The following VAV2 variants were observed in gnomAD, a reference collection of about 807,000 sequenced individuals.
VAV2 encodes vav guanine nucleotide exchange factor 2.
Under a neutral mutation model 132.5 loss-of-function variants are expected in VAV2, and 67 were observed. The ratio of observed to expected loss-of-function variants is 0.51; its 90% confidence interval spans 0.42 to 0.62. VAV2 has a LOEUF of 0.62. Among genes scored for constraint, VAV2 ranks in the 20% least tolerant of loss-of-function variants. The pLI is 0.00. For synonymous variants in VAV2, 492 were observed against 443.5 expected (o/e 1.11, Z -1.37); for missense variants, 938 against 1,153.6 (o/e 0.81, Z 2.71).
At chr9:133,894,243 G>A (rs144286686) in intron 2 of VAV2, among the ~76,000 whole-genome samples, 385 of 152,360 alleles carry the variant, frequency 2.5e-3, no homozygotes, top group African/African-American at 8.9e-3. Context: ...CCCAAGGATG[G>A]GGGAGCCGGG....
intron 26 of VAV2, 59 bp downstream of exon 26, chr9:133,771,900 A>G: frequency 1.3e-6 from 2 of 1,483,858 alleles, no homozygotes; most frequent in East Asian, 4.5e-5. Flanking sequence ...CAGGGCCGGG[A>G]GGAAGCACCT....
chr9:133,777,601 G>A, intron 22 of VAV2, 138 bp from the exon 23 acceptor site: 1 of 821,118 alleles, frequency 1.2e-6, no homozygotes, highest in Non-Finnish European at 1.9e-6. Context: ...CCCAACCTCA[G>A]CTGACCCGGC....
chr9:133,908,044 CT>C (rs1187609108), intron 2 of VAV2, among the ~76,000 whole-genome samples: 9 of 135,280 alleles, frequency 6.7e-5, no homozygotes, highest in Admixed American at 6.4e-4. Context: ...GAAGGCGCCC[CT>C]CCCACCCCAC....
At chr9:133,798,530 C>T (rs1303140363) in intron 9 of VAV2, among the ~76,000 whole-genome samples, 1 of 152,218 alleles carries the variant, frequency 6.6e-6, no homozygotes, top group Non-Finnish European at 1.5e-5. Flanking sequence ...TCTCCCTGCA[C>T]TGGGCCCACA....
chr9:133,907,813 C>T (rs1839717597), intron 2 of VAV2, among the ~76,000 whole-genome samples: 1 of 152,234 alleles, frequency 6.6e-6, no homozygotes, highest in African/African-American at 2.4e-5. Context: ...ACTGCAGTGG[C>T]ACAGACGGCA....
chr9:133,958,012 C>G (rs561403576), intron 1 of VAV2, among the ~76,000 whole-genome samples: 4 of 140,974 alleles, frequency 2.8e-5, no homozygotes, highest in Non-Finnish European at 6.4e-5. Flanking sequence ...GCAGCATGCT[C>G]GTTAAGAGTC....
intron 1 of VAV2, among the ~76,000 whole-genome samples, chr9:133,956,469 T>C (rs951846894): frequency 2.0e-5 from 3 of 152,194 alleles, no homozygotes; most frequent in African/African-American, 7.2e-5. Context: ...CTTTGTTTTG[T>C]TTCGTTTTGT....
At position 133,919,383 on chromosome 9, in the gene VAV2, T is replaced by C. The variant is rs1178826781; in HGVS notation, c.321+19720A>G. ...CCCACCGGGCTTTGAAACCAGATCC[T>C]GGGAGCTGCAGACCATAATCTCTGC... On this transcript the variant is annotated intron_variant, in intron 2 of 29. Coordinates refer to ENST00000371850, the MANE Select transcript of VAV2 (RefSeq NM_001134398.2). This position sits in a 1 kb window ranked among gnomAD's most constrained non-coding sequence, Gnocchi z 5.8. Among the ~76,000 whole-genome samples, 2 of 152,172 alleles carry C rather than the reference T, an allele frequency of 1.3e-5. No homozygotes were observed. Among genetic ancestry groups the C allele is most frequent in the African/African-American group, 4.8e-5 (2 of 41,444 alleles).
intron 2 of VAV2, among the ~76,000 whole-genome samples, chr9:133,923,893 A>C (rs1361064456): frequency 6.6e-6 from 1 of 152,182 alleles, no homozygotes; most frequent in Non-Finnish European, 1.5e-5. Flanking sequence ...TCACAAAGAC[A>C]GAAAACCAAA....
rs570364931 is a variant in VAV2, at chr9:133,804,307, G to A, written c.836+1774C>T. On this transcript the variant is annotated intron_variant, in intron 9 of 29. Transcript: ENST00000371850. The surrounding 1 kb of genome is among the most constrained non-coding windows in gnomAD (Gnocchi z 4.5). The stretch of plus-strand genomic sequence containing the variant: ...CTTCCCCAAACAGACCCCGACTGAC[G>A]GATCTCGCCACACGCCTCGCTGCCA... Among the ~76,000 whole-genome samples, 31 of 152,354 alleles carry A rather than the reference G, an allele frequency of 2.0e-4. No individual in the cohort carries two copies. The highest frequency in any genetic ancestry group is 7.0e-4 in the African/African-American group (29 of 41,582).
At chr9:133,872,359 T>C (rs1289498746) in intron 2 of VAV2, among the ~76,000 whole-genome samples, 1 of 152,218 alleles carries the variant, frequency 6.6e-6, no homozygotes, top group Non-Finnish European at 1.5e-5. Context: ...ACTGCGAGTC[T>C]AACTTCCCCC....
chr9:133,843,914 C>T (rs1030107001), intron 3 of VAV2, among the ~76,000 whole-genome samples: 1 of 151,338 alleles, frequency 6.6e-6, no homozygotes, highest in Non-Finnish European at 1.5e-5. Context: ...CTGCCATAGC[C>T]CCGGCAGTGA....
At position 133,961,288 on chromosome 9, in the gene VAV2, C is replaced by G. The variant is rs1172424457; in HGVS notation, c.205-22069G>C. On this transcript the variant is annotated intron_variant, in intron 1 of 29. Coordinates refer to ENST00000371850, the MANE Select transcript of VAV2 (RefSeq NM_001134398.2). This position sits in a 1 kb window ranked among gnomAD's most constrained non-coding sequence, Gnocchi z 4.1. ...TCAGAGCAGACCTCCCAGGGACCCCCGGCCAGGACTCAAGCCGGCCAATGA... is the reference window on the plus strand; with the variant it reads ...TCAGAGCAGACCTCCCAGGGACCCCGGGCCAGGACTCAAGCCGGCCAATGA... 6.6e-6 allele frequency among the ~76,000 whole-genome samples: 1 copy of G among 152,220 alleles called. No individual in the cohort carries two copies. Among genetic ancestry groups the G allele is most frequent in the African/African-American group, 2.4e-5 (1 of 41,450 alleles).
Position 133,969,376 on chromosome 9 carries a change from C to G in VAV2, c.204+22699G>C, listed in dbSNP as rs1038491942. ...TCCAGGGATCTGACAGTGCCAGAGG[C>G]TGCTAAGTTTGGTCACTCCCAGGCT... On this transcript the variant is annotated intron_variant, in intron 1 of 29. Coordinates refer to ENST00000371850, the MANE Select transcript of VAV2 (RefSeq NM_001134398.2). This position sits in a 1 kb window ranked among gnomAD's most constrained non-coding sequence, Gnocchi z 5.1. Among the ~76,000 whole-genome samples, 1 of 152,194 alleles carries G rather than the reference C, an allele frequency of 6.6e-6. No individual in the cohort carries two copies. The highest frequency in any genetic ancestry group is 6.5e-5 in the Admixed American group (1 of 15,288).
At chr9:133,772,090 A>C in intron 25 of VAV2, 44 bp from the exon 26 acceptor site, 3 of 1,547,118 alleles carry the variant, frequency 1.9e-6, no homozygotes, top group Non-Finnish European at 2.7e-6. Flanking sequence ...TGAGGGCCAC[A>C]CGGCCCCGGC....
chr9:133,773,960 G>GC (rs1453032931), intron 25 of VAV2, among the ~76,000 whole-genome samples: 2 of 152,146 alleles, frequency 1.3e-5, no homozygotes, highest in Admixed American at 6.5e-5. Context: ...ATGTCACCAG[G>GC]CCATGGGAAC....
At chr9:133,939,405 G>A in intron 1 of VAV2, 186 bp from the exon 2 acceptor site, 1 of 631,138 alleles carries the variant, frequency 1.6e-6, no homozygotes, top group South Asian at 1.9e-5. Context: ...AAGGCTGGGG[G>A]GTGAGAAGCC....
At position 133,885,759 on chromosome 9, in the gene VAV2, C is replaced by T. The variant is rs1451817300; in HGVS notation, c.322-24327G>A. 6.6e-6 allele frequency among the ~76,000 whole-genome samples: 1 copy of T among 152,194 alleles called. No individual in the cohort carries two copies. The highest frequency in any genetic ancestry group is 1.5e-5 in the Non-Finnish European group (1 of 68,036). Reference sequence around the variant, plus strand: ...GTGGGCACACGCTCCATGCCATCTCCCTGACCTCGCAAACCCACCACGGTG... The same window carrying T: ...GTGGGCACACGCTCCATGCCATCTCTCTGACCTCGCAAACCCACCACGGTG... On this transcript the variant is annotated intron_variant, in intron 2 of 29. Transcript: ENST00000371850. The surrounding 1 kb of genome is among the most constrained non-coding windows in gnomAD (Gnocchi z 5.0).
intron 4 of VAV2, among the ~76,000 whole-genome samples, chr9:133,819,602 G>A (rs112642201): frequency 6.6e-6 from 1 of 152,106 alleles, no homozygotes; most frequent in African/African-American, 2.4e-5. Flanking sequence ...ATACTGGGGG[G>A]GCGGAATCTG....
Sources: allele counts gnomAD v4.1 joint callset (sites outside exome capture counted in the v4.1 genomes callset), GRCh38; gene constraint gnomAD v4.1.1; non-coding constraint Gnocchi (gnomAD v3.1); transcripts MANE v1.5; gene names NCBI Gene and HGNC (gene_info 2026-07-23, HGNC 2026-07-21).